KIF15: variants seen among roughly 807,000 people sequenced by gnomAD.
The protein encoded by KIF15 is kinesin-like protein KIF15.
KIF15 carries 140 observed loss-of-function variants against 190.6 expected under a neutral mutation model. That is an observed-to-expected ratio of 0.73 (90% CI 0.64 to 0.84). The LOEUF is 0.84. Ranked by LOEUF, KIF15 falls within the 40% of genes least tolerant of loss-of-function variation. The probability of loss-of-function intolerance (pLI) is 0.00; values close to 1 mark genes in which losing one functional copy is unlikely to be tolerated. For missense variants in KIF15, 1,372 were observed against 1,584.4 expected (o/e 0.87, Z 2.28); for synonymous variants, 528 against 551.3 (o/e 0.96, Z 0.59).
intron 1 of KIF15, among the ~76,000 whole-genome samples, chr3:44,768,865 A>T (rs1705525891): frequency 6.6e-6 from 1 of 152,148 alleles, no homozygotes; most frequent in African/African-American, 2.4e-5. Flanking sequence ...AGAAGAGACA[A>T]ACTGAGTTAT....
At chr3:44,811,080 A>G (rs1559554601) in intron 17 of KIF15, 37 bp downstream of exon 17, 2 of 1,417,404 alleles carry the variant, frequency 1.4e-6, no homozygotes, top group Non-Finnish European at 1.9e-6. Context: ...ATAACTGGAC[A>G]TCCATTTAAA....
At chr3:44,806,483 A>C (rs546372604) in intron 16 of KIF15, among the ~76,000 whole-genome samples, 10 of 152,296 alleles carry the variant, frequency 6.6e-5, no homozygotes, top group Admixed American at 6.5e-4. Flanking sequence ...TTTTGTCCTA[A>C]ATAACCACAT....
chr3:44,866,828 C>G (rs766115058), intron 6 of KIF15, among the ~76,000 whole-genome samples: 1 of 152,172 alleles, frequency 6.6e-6, no homozygotes, highest in Non-Finnish European at 1.5e-5. Context: ...CATGCTGAGT[C>G]CCCCCAGACA....
rs574666540 is a variant in KIF15, at chr3:44,763,692, T to C, written c.19+1808T>C. ...AAAAGTGAAATATACGATTCCCCCC[T>C]TTTTTTTTTTAAAGACAGTGTTGCT... On this transcript the variant is annotated intron_variant, in intron 1 of 34. Coordinates refer to ENST00000326047, the MANE Select transcript of KIF15 (RefSeq NM_020242.3). Among the ~76,000 whole-genome samples the C allele has an allele frequency of 3.0e-3, 401 of 135,354 alleles. 1 individual carries two copies. The highest frequency in any genetic ancestry group is 5.0e-3 in the Admixed American group (69 of 13,762). The allele number at this position is 135,354 out of a possible 152,430, so 88.8% of individuals were successfully genotyped here.
intron 1 of KIF15, among the ~76,000 whole-genome samples, chr3:44,768,921 A>C (rs1273068136): frequency 6.6e-6 from 1 of 152,210 alleles, no homozygotes; most frequent in African/African-American, 2.4e-5. Flanking sequence ...TAAGGACAGA[A>C]GTCATGCCAG....
intron 5 of KIF15, among the ~76,000 whole-genome samples, chr3:44,784,165 T>C (rs1237022699): frequency 6.6e-6 from 1 of 152,118 alleles, no homozygotes; most frequent in Non-Finnish European, 1.5e-5. Context: ...CTTTACACTC[T>C]CAGTTAATTC....
rs1252722381 is a variant in KIF15, at chr3:44,830,138, A to G, written c.3048+63A>G. The G allele has an allele frequency of 1.2e-5, 9 of 749,026 alleles. No individual in the cohort carries two copies. The Admixed American group carries it at 2.3e-4, about 19-fold the overall frequency. The allele number at this position is 749,026 out of a possible 1,614,324, so 46.4% of individuals were successfully genotyped here. ...TGGGACACTTCACAGACTTTTCAAG[A>G]GTTTAACAGATGCTCCACCAGAAAA... On this transcript the variant is annotated intron_variant, in intron 25 of 34. Transcript: ENST00000326047.
intron 30 of KIF15, 28 bp downstream of exon 30, chr3:44,843,262 G>A (rs893867847): frequency 1.3e-6 from 2 of 1,487,404 alleles, no homozygotes; most frequent in Non-Finnish European, 9.3e-7. Context: ...GAACTCTATG[G>A]GCTAAATCTT....
At chr3:44,789,686 ATATAT>A (rs1706589658) in intron 7 of KIF15, among the ~76,000 whole-genome samples, 2 of 83,804 alleles carry the variant, frequency 2.4e-5, no homozygotes, top group African/African-American at 8.5e-5. Context: ...ATATATATAT[ATATAT>A]AAAATAGATA....
chr3:44,776,155 C>T (rs550074142), intron 3 of KIF15, among the ~76,000 whole-genome samples: 5 of 150,550 alleles, frequency 3.3e-5, no homozygotes, highest in Admixed American at 2.0e-4. Flanking sequence ...GAGACTGAAA[C>T]GTTCCATAAA....
At chr3:44,782,106 G>C (rs556696582) in intron 5 of KIF15, among the ~76,000 whole-genome samples, 14 of 152,148 alleles carry the variant, frequency 9.2e-5, no homozygotes, top group African/African-American at 3.4e-4. Flanking sequence ...CTAGAGTGCA[G>C]TGGTACAATC....
intron 6 of KIF15, among the ~76,000 whole-genome samples, chr3:44,868,130 A>C (rs1214883998): frequency 6.6e-6 from 1 of 152,180 alleles, no homozygotes; most frequent in African/African-American, 2.4e-5. Context: ...ATCCTCCCCC[A>C]GGCCCATGGC....
intron 24 of KIF15, among the ~76,000 whole-genome samples, chr3:44,829,666 A>C (rs1341009216): frequency 1.5e-5 from 2 of 131,736 alleles, no homozygotes; most frequent in Non-Finnish European, 3.1e-5. Context: ...TATTATGTAT[A>C]TATAATATAT....
At chr3:44,789,037 T>TA (rs1575594998) in intron 7 of KIF15, among the ~76,000 whole-genome samples, 7 of 152,340 alleles carry the variant, frequency 4.6e-5, no homozygotes, top group Admixed American at 6.5e-5. Context: ...ATCTTTGCCA[T>TA]ACTGCCATTC....
At chr3:44,828,981 G>A (rs1319323068) in intron 24 of KIF15, among the ~76,000 whole-genome samples, 1 of 151,774 alleles carries the variant, frequency 6.6e-6, no homozygotes, top group African/African-American at 2.4e-5. Flanking sequence ...AGGTTGCAGT[G>A]AGCCAAGATC....
At chr3:44,822,472 A>G (rs182618516) in intron 20 of KIF15, among the ~76,000 whole-genome samples, 1 of 152,036 alleles carries the variant, frequency 6.6e-6, no homozygotes, top group South Asian at 2.1e-4. Flanking sequence ...GAATCTGACA[A>G]TTATGTGTCT....
chr3:44,775,503 T>G (rs1266459000), intron 3 of KIF15, 66 bp downstream of exon 3: 1 of 1,192,890 alleles, frequency 8.4e-7, no homozygotes, highest in Non-Finnish European at 1.2e-6. Flanking sequence ...GTCACCAGGC[T>G]GGAGTGCAGT....
chr3:44,867,766 A>G (rs1170272426), intron 6 of KIF15, among the ~76,000 whole-genome samples: 2 of 152,268 alleles, frequency 1.3e-5, no homozygotes, highest in African/African-American at 2.4e-5. Context: ...CTCTATAGTC[A>G]TCTAAAAAGT....
Position 44,817,513 on chromosome 3 carries a change from C to G in KIF15, c.2549+2437C>G, listed in dbSNP as rs148612203. ...TAAACAGGAAACCCTTTCCCCATTT[C>G]TTGTTTTTCTCAGGTTTGTCAAAGA... is the stretch of plus-strand genomic sequence containing the variant. On this transcript the variant is annotated intron_variant, in intron 20 of 34. Coordinates refer to ENST00000326047, the MANE Select transcript of KIF15 (RefSeq NM_020242.3). Among the ~76,000 whole-genome samples the G allele has an allele frequency of 3.0e-4, 46 of 152,238 alleles. No homozygotes were observed. In the East Asian group the frequency reaches 7.1e-3, roughly 24 times the overall value.
Sources: gnomAD v4.1 joint callset for allele counts (sites outside exome capture counted in the v4.1 genomes callset) on GRCh38, gnomAD v4.1.1 for gene constraint, MANE v1.5 for transcripts, NCBI Gene and HGNC (gene_info 2026-07-23, HGNC 2026-07-21) for gene names.